Variants in CA10 observed in about 807,000 individuals in gnomAD.
CA10 encodes the protein carbonic anhydrase-related protein 10.
CA10 carries 14 observed loss-of-function variants against 44.2 expected under a neutral mutation model. The ratio of observed to expected loss-of-function variants is 0.32; its 90% confidence interval spans 0.21 to 0.50. The LOEUF (loss-of-function observed/expected upper bound fraction) is 0.50, where lower values mean the gene tolerates loss of function less well. Ranked by LOEUF, CA10 falls within the 20% of genes least tolerant of loss-of-function variation. The probability of loss-of-function intolerance (pLI) is 0.99; values close to 1 mark genes in which losing one functional copy is unlikely to be tolerated. For synonymous variants in CA10, 159 were observed against 141.6 expected (o/e 1.12, Z -0.87); for missense variants, 350 against 409.7 (o/e 0.85, Z 1.26).
At chr17:52,021,827 T>G (rs537928153) in intron 2 of CA10, among the ~76,000 whole-genome samples, 1 of 152,010 alleles carries the variant, frequency 6.6e-6, no homozygotes, top group Non-Finnish European at 1.5e-5. Context: ...TTCCCAGGAA[T>G]GCACAACCTT....
intron 5 of CA10, among the ~76,000 whole-genome samples, chr17:51,651,126 C>T (rs1005016418): frequency 2.0e-5 from 3 of 151,780 alleles, no homozygotes; most frequent in African/African-American, 7.3e-5. Flanking sequence ...AACTCTAGGA[C>T]TAAACTACCA....
At chr17:51,898,030 T>C (rs1981148025) in intron 3 of CA10, among the ~76,000 whole-genome samples, 1 of 152,062 alleles carries the variant, frequency 6.6e-6, no homozygotes, top group Admixed American at 6.6e-5. Context: ...GTTGGACTTA[T>C]GCTCTTCCTA....
chr17:51,889,135 A>G (rs1407142658), intron 3 of CA10, among the ~76,000 whole-genome samples: 1 of 152,188 alleles, frequency 6.6e-6, no homozygotes, highest in Non-Finnish European at 1.5e-5. Flanking sequence ...CAAGAGACCC[A>G]GGTGGAGATT....
chr17:51,960,337 G>A (rs967642631), intron 2 of CA10, among the ~76,000 whole-genome samples: 9 of 151,994 alleles, frequency 5.9e-5, no homozygotes, highest in East Asian at 3.9e-4. Context: ...AGAGATTGGT[G>A]CAGAAAAAAA....
intron 2 of CA10, among the ~76,000 whole-genome samples, chr17:52,052,907 C>T (rs1311421426): frequency 6.6e-6 from 1 of 151,796 alleles, no homozygotes; most frequent in East Asian, 1.9e-4. Context: ...TAAAGCAATA[C>T]AGTGTGTATG....
chr17:52,111,281 C>G (rs1444812600), intron 1 of CA10, among the ~76,000 whole-genome samples: 1 of 152,142 alleles, frequency 6.6e-6, no homozygotes. Context: ...TACACCTACG[C>G]TTACATCCAA....
intron 3 of CA10, among the ~76,000 whole-genome samples, chr17:51,819,860 T>C (rs1303759611): frequency 1.3e-5 from 2 of 152,144 alleles, no homozygotes; most frequent in Admixed American, 6.5e-5. Flanking sequence ...GGGAAATGTA[T>C]GCTCTCTGTC....
chr17:51,762,970 T>C (rs9906077), intron 3 of CA10: 90,167 of 151,830 alleles, frequency 0.59, 27,737 homozygotes, highest in East Asian at 0.77. Flanking sequence ...GTGATGTGCA[T>C]CCCCACCTCC....
At chr17:52,067,145 T>A (rs2143117302) in intron 2 of CA10, among the ~76,000 whole-genome samples, 1 of 152,350 alleles carries the variant, frequency 6.6e-6, no homozygotes, top group Non-Finnish European at 1.5e-5. Flanking sequence ...TCAAAGGTCT[T>A]TACAGCAGCC....
At chr17:51,867,823 T>C (rs376838872) in intron 3 of CA10, among the ~76,000 whole-genome samples, 5 of 152,162 alleles carry the variant, frequency 3.3e-5, no homozygotes, top group African/African-American at 9.7e-5. Flanking sequence ...ATGAACTCAA[T>C]CTGTAAGTAT....
chr17:51,741,990 T>G (rs1904479485), intron 4 of CA10, among the ~76,000 whole-genome samples: 1 of 152,246 alleles, frequency 6.6e-6, no homozygotes, highest in African/African-American at 2.4e-5. Flanking sequence ...TCTCTCTTTT[T>G]AATAGCATCC....
At chr17:51,691,836 C>A (rs1411390954) in intron 4 of CA10, among the ~76,000 whole-genome samples, 3 of 150,832 alleles carry the variant, frequency 2.0e-5, no homozygotes, top group Non-Finnish European at 4.4e-5. Flanking sequence ...GTCCTTTCCC[C>A]AGTGTGTGTT....
chr17:52,133,456 C>G lies in CA10; in HGVS notation c.61+24270G>C, dbSNP rs530870258. Among the ~76,000 whole-genome samples, 11 of 151,764 alleles carry G rather than the reference C, an allele frequency of 7.2e-5. No individual in the cohort carries two copies. The South Asian group carries it at 1.5e-3, about 20-fold the overall frequency. Reference sequence around the variant, plus strand: ...AAGTCAGTGAAGAGGTGGAAGGAAACAGAAAACAGGAGACTGGAAGAAGAG... The same window carrying G: ...AAGTCAGTGAAGAGGTGGAAGGAAAGAGAAAACAGGAGACTGGAAGAAGAG... On this transcript the variant is annotated intron_variant, in intron 1 of 8. Transcript: ENST00000451037.
intron 2 of CA10, among the ~76,000 whole-genome samples, chr17:51,994,449 T>A (rs1985156530): frequency 6.6e-6 from 1 of 152,050 alleles, no homozygotes; most frequent in Non-Finnish European, 1.5e-5. Context: ...ATAAGGAGTT[T>A]TGGGCAGGAC....
At chr17:51,690,344 T>C (rs1765282243) in intron 4 of CA10, among the ~76,000 whole-genome samples, 2 of 152,224 alleles carry the variant, frequency 1.3e-5, no homozygotes, top group Admixed American at 6.5e-5. Flanking sequence ...TACAATTTTG[T>C]ATATTTTGAC....
chr17:51,715,982 G>GC (rs1160753088), intron 4 of CA10, among the ~76,000 whole-genome samples: 1 of 152,064 alleles, frequency 6.6e-6, no homozygotes, highest in African/African-American at 2.4e-5. Flanking sequence ...AAGCCACCGT[G>GC]CCCGGCCCTC....
intron 3 of CA10, among the ~76,000 whole-genome samples, chr17:51,854,107 G>T (rs568158985): frequency 1.3e-5 from 2 of 152,172 alleles, no homozygotes; most frequent in African/African-American, 4.8e-5. Flanking sequence ...CGGATGAGAG[G>T]CACCTTCATC....
At position 51,673,072 on chromosome 17, in the gene CA10, G is replaced by A. The variant is rs143552660; in HGVS notation, c.466-19336C>T. Among the ~76,000 whole-genome samples the A allele has an allele frequency of 6.3e-3, 957 of 152,326 alleles. 9 individuals carry two copies. The highest frequency in any genetic ancestry group is 0.022 in the African/African-American group (920 of 41,564). ...AGTTGAACAGTCTTGTGGCCTTAAT[G>A]CCTATCACATTGGATGGTTTCAGGA... On this transcript the variant is annotated intron_variant, in intron 4 of 8. Coordinates refer to ENST00000451037, the MANE Select transcript of CA10 (RefSeq NM_020178.5).
intron 2 of CA10, among the ~76,000 whole-genome samples, chr17:51,978,412 GTC>G (rs1555615802): frequency 2.0e-5 from 3 of 151,032 alleles, no homozygotes; most frequent in Non-Finnish European, 4.4e-5. Flanking sequence ...GTGTGTGTGT[GTC>G]TGTGTGTATG....
Sources: gnomAD v4.1 joint callset for allele counts (sites outside exome capture counted in the v4.1 genomes callset) on GRCh38, gnomAD v4.1.1 for gene constraint, MANE v1.5 for transcripts, NCBI Gene and HGNC (gene_info 2026-07-23, HGNC 2026-07-21) for gene names.